Variants in SP2 observed in about 807,000 individuals in gnomAD.
The protein encoded by SP2 is transcription factor Sp2.
In SP2, 9 loss-of-function variants were observed where a neutral mutation model predicts 50.1. That is an observed-to-expected ratio of 0.18 (90% confidence interval 0.11 to 0.31). SP2 has a LOEUF of 0.31. SP2 is among the 10% of genes least tolerant of loss of function. SP2 has a pLI of 1.00. For synonymous variants in SP2, 313 were observed against 326.6 expected, an observed-to-expected ratio of 0.96 and a Z score of 0.45; for missense variants, 581 against 806.5, an observed-to-expected ratio of 0.72 and a Z score of 3.39.
chr17:47,896,713 G>A (rs978043273), intron 1 of SP2, among the ~76,000 whole-genome samples: 3 of 152,214 alleles, frequency 2.0e-5, no homozygotes, highest in Admixed American at 6.5e-5. Flanking sequence ...TGTCTGAGAG[G>A]CCTTCCTGCA....
rs1299367483 is a variant in SP2 at position 47,916,868 on chromosome 17, A to G, written c.797A>G (p.Glu266Gly). 1.9e-6 allele frequency: 3 copies of G among 1,614,116 alleles called. No individual in the cohort carries two copies. The South Asian group carries it at 3.3e-5, about 18-fold the overall frequency. ...QPPVAVAEQV[E>G]TVLIETTADN... ...CCTGTGGCTGTGGCTGAGCAGGTGG[A>G]GACGGTGCTGATCGAGACCACCGCG... The change falls in exon 3 of 7, where the codon GAG becomes GGG. Residue 266 changes from glutamate to glycine, a missense_variant. This residue lies in a region of SP2 where 397 missense variants were observed against 491.0 expected (regional missense o/e 0.81). Transcript: ENST00000376741. The surrounding 1 kb of genome is among the most constrained non-coding windows in gnomAD (Gnocchi z 4.7).
chr17:47,924,829 A>T, intron 4 of SP2, 90 bp from the exon 5 acceptor site: 1 of 1,229,446 alleles, frequency 8.1e-7, no homozygotes, highest in Non-Finnish European at 1.1e-6. Flanking sequence ...TGCTGTGATT[A>T]TCATCTTTGT....
intron 1 of SP2, among the ~76,000 whole-genome samples, chr17:47,909,001 T>A (rs2034875508): frequency 6.6e-6 from 1 of 152,182 alleles, no homozygotes; most frequent in South Asian, 2.1e-4. Flanking sequence ...GATTTTCATC[T>A]TTTCAAAGTT....
At chr17:47,911,098 C>T (rs1235042257) in intron 1 of SP2, among the ~76,000 whole-genome samples, 4 of 151,914 alleles carry the variant, frequency 2.6e-5, no homozygotes, top group Non-Finnish European at 5.9e-5. Flanking sequence ...TGGTGGTGTG[C>T]ACCAGTGGTC....
At chr17:47,910,363 G>A (rs970380260) in intron 1 of SP2, among the ~76,000 whole-genome samples, 1 of 152,240 alleles carries the variant, frequency 6.6e-6, no homozygotes, top group African/African-American at 2.4e-5. Flanking sequence ...GGACAGAAAT[G>A]TGTGGTGTAT....
rs71141942 is a variant in SP2, at chr17:47,925,905, CTTTTTTTTTTTTTTT to C, written c.1741+378_1741+392del. ...TTATGGGAAGATACTTTGTTTATGC[CTTTTTTTTTTTTTTT>C]TTTTTTTTTTTTTGGAGATGGAGTT... On this transcript the variant is annotated intron_variant, in intron 6 of 6. Transcript: ENST00000376741. Among the ~76,000 whole-genome samples the C allele has an allele frequency of 1.8e-4, 15 of 84,442 alleles. No homozygotes were observed. The South Asian group carries it at 3.6e-3, about 20-fold the overall frequency. 55.4% of individuals were successfully genotyped at this position (84,442 alleles called of 152,430 possible). A position where few individuals can be genotyped will look rare whatever the true frequency, so the allele number is the denominator to read the frequency against.
Position 47,922,961 on chromosome 17 carries a change from G to T in SP2, c.1060-1G>T. 6.2e-7 allele frequency: 1 copy of T among 1,607,626 alleles called. No individual in the cohort carries two copies. Among genetic ancestry groups the T allele is most frequent in the Non-Finnish European group, 8.5e-7 (1 of 1,174,942 alleles). ...GATTTTTTTTCTCTGGCCCCTCCCAGGTCTACATCCGCACGCCTTCCGGTG... is the reference window on the plus strand; with the variant it reads ...GATTTTTTTTCTCTGGCCCCTCCCATGTCTACATCCGCACGCCTTCCGGTG... On this transcript the variant is annotated splice_acceptor_variant, in intron 3 of 6. Transcript: ENST00000376741. LOFTEE classifies it high-confidence loss of function.
chr17:47,904,706 G>C (rs956390753), intron 1 of SP2, among the ~76,000 whole-genome samples: 41 of 133,422 alleles, frequency 3.1e-4, no homozygotes, highest in Non-Finnish European at 6.2e-4. Flanking sequence ...GAAAGCCATT[G>C]AAATTTGTTT....
intron 1 of SP2, among the ~76,000 whole-genome samples, chr17:47,906,534 T>C (rs1019940291): frequency 6.6e-6 from 1 of 152,200 alleles, no homozygotes; most frequent in African/African-American, 2.4e-5. Flanking sequence ...AAGGCCTCTC[T>C]GAGGAAATGG....
intron 3 of SP2, among the ~76,000 whole-genome samples, chr17:47,920,643 G>A (rs1233526844): frequency 3.3e-5 from 5 of 151,770 alleles, no homozygotes; most frequent in Non-Finnish European, 5.9e-5. Flanking sequence ...GGCTGGTCTC[G>A]AACTTCTGAC....
intron 1 of SP2, among the ~76,000 whole-genome samples, chr17:47,910,942 T>A (rs144094257): frequency 6.2e-4 from 94 of 152,336 alleles, no homozygotes; most frequent in African/African-American, 2.2e-3. Flanking sequence ...AAAAGATGAT[T>A]GGGCTGGGTG....
At position 47,923,105 on chromosome 17, in the gene SP2, C is replaced by T. The variant is rs748910049; in HGVS notation, c.1203C>T (p.His401=). 3.7e-6 allele frequency: 6 copies of T among 1,614,254 alleles called. No individual in the cohort carries two copies. In the Admixed American group the frequency reaches 1.0e-4, roughly 27 times the overall value. The change falls in exon 4 of 7, where the codon CAC becomes CAT. Residue 401 remains histidine (H), a synonymous_variant. Transcript: ENST00000376741. ...ATCTGAGTGGGACCAGCAAAAAGCA[C>T]TCAGCTGCAATTCTCCGAAAAGAGC... is the stretch of plus-strand genomic sequence containing the variant. The part of the protein sequence containing the change: ...APHLSGTSKK[H]SAAILRKERP...
At chr17:47,901,568 T>C (rs2034544825) in intron 1 of SP2, among the ~76,000 whole-genome samples, 1 of 152,186 alleles carries the variant, frequency 6.6e-6, no homozygotes, top group African/African-American at 2.4e-5. Flanking sequence ...GCATTAATAA[T>C]GCATATCAGT....
rs373733222 is a variant in SP2 at position 47,925,905 on chromosome 17, C to T, written c.1741+364C>T. The stretch of plus-strand genomic sequence containing the variant: ...TTATGGGAAGATACTTTGTTTATGC[C>T]TTTTTTTTTTTTTTTTTTTTTTTTT... On this transcript the variant is annotated intron_variant, in intron 6 of 6. Transcript: ENST00000376741. 9.5e-3 allele frequency among the ~76,000 whole-genome samples: 802 copies of T among 84,426 alleles called. 13 individuals are homozygous for T. The highest frequency in any genetic ancestry group is 0.034 in the African/African-American group (702 of 20,852). The allele number at this position is 84,426 out of a possible 152,430, so 55.4% of individuals were successfully genotyped here.
At chr17:47,904,783 T>A (rs910410342) in intron 1 of SP2, among the ~76,000 whole-genome samples, 9 of 152,204 alleles carry the variant, frequency 5.9e-5, no homozygotes, top group African/African-American at 2.2e-4. Flanking sequence ...TATTATTATT[T>A]TTTAAAGACA....
At chr17:47,921,773 G>T (rs958543248) in intron 3 of SP2, among the ~76,000 whole-genome samples, 1 of 152,188 alleles carries the variant, frequency 6.6e-6, no homozygotes, top group Non-Finnish European at 1.5e-5. Context: ...AGGAGCCTGG[G>T]TTCCTTTTAG....
intron 1 of SP2, among the ~76,000 whole-genome samples, chr17:47,900,577 G>A (rs1452618292): frequency 1.3e-5 from 2 of 152,194 alleles, no homozygotes; most frequent in Non-Finnish European, 2.9e-5. Context: ...AGGAGTTCGA[G>A]ACCAGCCTGG....
chr17:47,899,937 G>A (rs2034474514), intron 1 of SP2: 1 of 152,284 alleles, frequency 6.6e-6, no homozygotes, highest in Admixed American at 6.5e-5. Context: ...CACACTTGCA[G>A]ACCCAACTGT....
intron 3 of SP2, among the ~76,000 whole-genome samples, chr17:47,917,626 T>A (rs1468154877): frequency 2.1e-3 from 1 of 470 alleles, no homozygotes; most frequent in African/African-American, 2.3e-3. Context: ...TTTTAGGGTG[T>A]TTTTTTTTTT....
Sources: gnomAD v4.1 joint callset for allele counts (sites outside exome capture counted in the v4.1 genomes callset) on GRCh38, gnomAD v4.1.1 for gene constraint, gnomAD v4.1.1 regional missense constraint, Gnocchi (gnomAD v3.1) non-coding constraint, MANE v1.5 for transcripts, NCBI Gene and HGNC (gene_info 2026-07-23, HGNC 2026-07-21) for gene names.